PARD3: variants seen among roughly 807,000 people sequenced by gnomAD.
The protein encoded by PARD3 is partitioning defective 3 homolog.
Under a neutral mutation model 155.4 loss-of-function variants are expected in PARD3, and 75 were observed. The observed-to-expected ratio is 0.48, with a 90% CI of 0.40 to 0.58. PARD3 has a LOEUF of 0.58. Ranked by LOEUF, PARD3 falls within the 20% of genes least tolerant of loss-of-function variation. The pLI, the probability that PARD3 is intolerant of heterozygous loss-of-function variation, is 0.00. For synonymous variants in PARD3, 576 were observed against 610.5 expected, an observed-to-expected ratio of 0.94 and a Z score of 0.83; for missense variants, 1,642 against 1,721.7, an observed-to-expected ratio of 0.95 and a Z score of 0.82.
chr10:34,744,563 G>A (rs1047714926), intron 1 of PARD3, among the ~76,000 whole-genome samples: 1 of 152,162 alleles, frequency 6.6e-6, no homozygotes, highest in African/African-American at 2.4e-5. Context: ...CGTTTCACTG[G>A]AATCTCTTGA....
chr10:34,354,193 C>T (rs192150995), intron 14 of PARD3, among the ~76,000 whole-genome samples: 25 of 150,328 alleles, frequency 1.7e-4, no homozygotes, highest in Non-Finnish European at 2.7e-4. Context: ...CTGGCTAACA[C>T]GGTGAAACTC....
chr10:34,150,459 C>T (rs946157889), intron 22 of PARD3, among the ~76,000 whole-genome samples: 1 of 152,130 alleles, frequency 6.6e-6, no homozygotes, highest in Non-Finnish European at 1.5e-5. Flanking sequence ...TAGAAAATAA[C>T]GATTTTTACT....
chr10:34,214,863 C>T (rs1255631777), intron 22 of PARD3, among the ~76,000 whole-genome samples: 1 of 152,042 alleles, frequency 6.6e-6, no homozygotes, highest in African/African-American at 2.4e-5. Context: ...CTCAGTACTT[C>T]GAAGAGTCTA....
intron 23 of PARD3, among the ~76,000 whole-genome samples, chr10:34,130,938 A>G (rs1430723888): frequency 1.3e-5 from 2 of 152,146 alleles, no homozygotes; most frequent in East Asian, 1.9e-4. Flanking sequence ...GCACTTGCCT[A>G]TAGTCCAGCT....
intron 18 of PARD3, among the ~76,000 whole-genome samples, chr10:34,334,921 G>C (rs1228149840): frequency 6.6e-6 from 1 of 151,838 alleles, no homozygotes; most frequent in African/African-American, 2.4e-5. Flanking sequence ...TATAGTAGCT[G>C]TGAGTTGGTT....
chr10:34,237,796 T>A (rs1369681732), intron 22 of PARD3, among the ~76,000 whole-genome samples: 3 of 152,202 alleles, frequency 2.0e-5, no homozygotes, highest in African/African-American at 7.2e-5. Flanking sequence ...TTAAGCATGT[T>A]GTCTTTTTAA....
chr10:34,722,263 A>T (rs899312437), intron 1 of PARD3, among the ~76,000 whole-genome samples: 1 of 152,012 alleles, frequency 6.6e-6, no homozygotes, highest in Non-Finnish European at 1.5e-5. Flanking sequence ...ATATATATAG[A>T]CTGTTTATCT....
intron 1 of PARD3, among the ~76,000 whole-genome samples, chr10:34,750,462 AACACACACAC>A (rs71033348): frequency 0.29 from 39,724 of 135,750 alleles, 5,915 homozygotes; most frequent in Non-Finnish European, 0.34. Flanking sequence ...CTCTCTTTCA[AACACACACAC>A]ACACACACAC....
chr10:34,235,675 C>T (rs181391831), intron 22 of PARD3, among the ~76,000 whole-genome samples: 1 of 152,116 alleles, frequency 6.6e-6, no homozygotes, highest in Admixed American at 6.6e-5. Flanking sequence ...TTGGATCTTG[C>T]CGAGTTCTGA....
intron 2 of PARD3, among the ~76,000 whole-genome samples, chr10:34,574,382 AC>A (rs1276462135): frequency 6.6e-6 from 1 of 152,146 alleles, no homozygotes; most frequent in East Asian, 1.9e-4. Context: ...AAATTTAGAC[AC>A]TTGTCCATAA....
At chr10:34,537,372 T>C (rs1329428520) in intron 2 of PARD3, among the ~76,000 whole-genome samples, 1 of 152,042 alleles carries the variant, frequency 6.6e-6, no homozygotes, top group Non-Finnish European at 1.5e-5. Context: ...TAAAGAAAAT[T>C]AAAAACAAAA....
intron 2 of PARD3, among the ~76,000 whole-genome samples, chr10:34,614,496 T>C (rs1009210491): frequency 6.6e-6 from 1 of 152,238 alleles, no homozygotes. Context: ...TAACAAGTTA[T>C]CTCATTGGAC....
chr10:34,769,903 C>A (rs1260983503), intron 1 of PARD3, among the ~76,000 whole-genome samples: 1 of 151,452 alleles, frequency 6.6e-6, no homozygotes, highest in Non-Finnish European at 1.5e-5. Context: ...TTCATACTTA[C>A]AAGGGGTCCT....
At chr10:34,742,095 G>C (rs1169522607) in intron 1 of PARD3, among the ~76,000 whole-genome samples, 1 of 152,072 alleles carries the variant, frequency 6.6e-6, no homozygotes, top group Non-Finnish European at 1.5e-5. Flanking sequence ...GCACAACCTT[G>C]GGAGGATGAA....
At chr10:34,438,987 T>C in intron 5 of PARD3, among the ~76,000 whole-genome samples, 1 of 151,966 alleles carries the variant, frequency 6.6e-6, no homozygotes, top group East Asian at 1.9e-4. Context: ...TATCTGCTGA[T>C]AGGAAAGTTC....
At chr10:34,809,087 C>T (rs7342018) in intron 1 of PARD3, among the ~76,000 whole-genome samples, 118,965 of 152,170 alleles carry the variant, frequency 0.78, 47,681 homozygotes, top group African/African-American at 0.95. Flanking sequence ...GAGTAACTTC[C>T]AAGTACTCCA....
chr10:34,598,213 G>A (rs889903447), intron 2 of PARD3, among the ~76,000 whole-genome samples: 1 of 152,166 alleles, frequency 6.6e-6, no homozygotes, highest in Non-Finnish European at 1.5e-5. Flanking sequence ...GAGGAACAAG[G>A]GATCTCTGAA....
chr10:34,472,169 A>G (rs2133093893), intron 3 of PARD3, among the ~76,000 whole-genome samples: 1 of 152,280 alleles, frequency 6.6e-6, no homozygotes, highest in East Asian at 1.9e-4. Flanking sequence ...CTAGGGCAAA[A>G]ATTTAGTCAA....
intron 1 of PARD3, among the ~76,000 whole-genome samples, chr10:34,706,889 T>G (rs78950040): frequency 5.1e-4 from 77 of 152,030 alleles, no homozygotes; most frequent in African/African-American, 1.5e-3. Flanking sequence ...AGGAGGATCA[T>G]TTGAGCCCAG....
Sources: allele counts gnomAD v4.1 joint callset (sites outside exome capture counted in the v4.1 genomes callset), GRCh38; gene constraint gnomAD v4.1.1; transcripts MANE v1.5; gene names NCBI Gene and HGNC (gene_info 2026-07-23, HGNC 2026-07-21).